AK5: variants seen among roughly 807,000 people sequenced by gnomAD.
The protein encoded by AK5 is adenylate kinase isoenzyme 5.
Under a neutral mutation model 69.5 loss-of-function variants are expected in AK5, and 27 were observed. That is an observed-to-expected ratio of 0.39 (90% CI 0.29 to 0.54). AK5 has a LOEUF of 0.54. Among genes scored for constraint, AK5 ranks in the 20% least tolerant of loss-of-function variants. AK5 has a pLI of 0.71. For missense variants in AK5, 531 were observed against 700.4 expected (o/e 0.76, Z 2.73); for synonymous variants, 260 against 244.4 (o/e 1.06, Z -0.60).
chr1:77,424,798 C>A (rs1651085894), intron 8 of AK5, among the ~76,000 whole-genome samples: 1 of 152,084 alleles, frequency 6.6e-6, no homozygotes, highest in South Asian at 2.1e-4. Context: ...GTAACATATG[C>A]ATAATGGGAA....
chr1:77,347,840 G>A (rs1260088095), intron 6 of AK5, among the ~76,000 whole-genome samples: 1 of 152,046 alleles, frequency 6.6e-6, no homozygotes, highest in Non-Finnish European at 1.5e-5. Flanking sequence ...CATAAGCAAC[G>A]CCCTGACTCA....
At chr1:77,356,068 G>C (rs761048800) in intron 6 of AK5, among the ~76,000 whole-genome samples, 22 of 152,106 alleles carry the variant, frequency 1.4e-4, no homozygotes, top group Non-Finnish European at 2.9e-4. Context: ...TTAAATTGCT[G>C]TAAACATGCT....
At position 77,367,351 on chromosome 1, in the gene AK5, C is replaced by G. The variant is rs976913142; in HGVS notation, c.891+26783C>G. Among the ~76,000 whole-genome samples, 5 of 150,198 alleles carry G rather than the reference C, an allele frequency of 3.3e-5. No homozygotes were observed. The East Asian group carries it at 9.9e-4, about 30-fold the overall frequency. On this transcript the variant is annotated intron_variant, in intron 6 of 13. Transcript: ENST00000354567. Reference sequence around the variant, plus strand: ...GATTTCTGGTTTTTGTTTTTTGAGACAGGATCTCACTCTGTCACCCAGGCT... The same window carrying G: ...GATTTCTGGTTTTTGTTTTTTGAGAGAGGATCTCACTCTGTCACCCAGGCT...
At chr1:77,365,436 T>G (rs768596810) in intron 6 of AK5, among the ~76,000 whole-genome samples, 2 of 152,232 alleles carry the variant, frequency 1.3e-5, no homozygotes, top group African/African-American at 2.4e-5. Flanking sequence ...TGTTTCATCT[T>G]GAAGGAAATA....
chr1:77,463,842 AT>A (rs1337755658), intron 8 of AK5, among the ~76,000 whole-genome samples: 2 of 152,182 alleles, frequency 1.3e-5, no homozygotes, highest in Admixed American at 1.3e-4. Context: ...AAGGATGCTC[AT>A]TGTCCAAGCT....
At chr1:77,429,328 T>C (rs1651436325) in intron 8 of AK5, among the ~76,000 whole-genome samples, 1 of 152,254 alleles carries the variant, frequency 6.6e-6, no homozygotes, top group Admixed American at 6.5e-5. Flanking sequence ...ATTGTGGTTT[T>C]GATTTTCATT....
At chr1:77,386,441 T>C (rs1648033859) in intron 6 of AK5, among the ~76,000 whole-genome samples, 1 of 152,106 alleles carries the variant, frequency 6.6e-6, no homozygotes, top group South Asian at 2.1e-4. Flanking sequence ...TGTGGAGGAC[T>C]GTGGGGTGAA....
intron 6 of AK5, among the ~76,000 whole-genome samples, chr1:77,398,866 A>G (rs1359890008): frequency 6.6e-6 from 1 of 152,186 alleles, no homozygotes. Context: ...ATTGAATTGC[A>G]TCCTGTAGGT....
At chr1:77,358,035 G>GAC (rs1662636387) in intron 6 of AK5, among the ~76,000 whole-genome samples, 2 of 151,574 alleles carry the variant, frequency 1.3e-5, no homozygotes, top group East Asian at 1.9e-4. Flanking sequence ...GAGAGAGAGA[G>GAC]AGAGACAGAG....
chr1:77,528,329 G>C (rs1476553631), intron 12 of AK5, among the ~76,000 whole-genome samples: 2 of 152,098 alleles, frequency 1.3e-5, no homozygotes, highest in Non-Finnish European at 2.9e-5. Flanking sequence ...TTCAAGCCTG[G>C]AGAGGTTTTA....
chr1:77,320,772 A>G (rs956612105), intron 5 of AK5, among the ~76,000 whole-genome samples: 3 of 152,146 alleles, frequency 2.0e-5, no homozygotes, highest in African/African-American at 7.2e-5. Context: ...TACCATGAAA[A>G]CACTACACAT....
chr1:77,380,686 T>C (rs1215923019), intron 6 of AK5, among the ~76,000 whole-genome samples: 1 of 152,226 alleles, frequency 6.6e-6, no homozygotes, highest in Admixed American at 6.5e-5. Flanking sequence ...TAGGCTAGTG[T>C]TGGGCACAGA....
chr1:77,546,252 C>A (rs1482627154), intron 13 of AK5, among the ~76,000 whole-genome samples: 2 of 152,106 alleles, frequency 1.3e-5, no homozygotes, highest in Non-Finnish European at 2.9e-5. Context: ...TGCCTTTGCC[C>A]ATGTTAGGGC....
chr1:77,400,877 A>G (rs1255393993), intron 6 of AK5, among the ~76,000 whole-genome samples: 1 of 149,256 alleles, frequency 6.7e-6, no homozygotes, highest in Admixed American at 6.8e-5. Flanking sequence ...TTGCATACCA[A>G]TCATGTCTGT....
At chr1:77,522,307 CA>C (rs935396450) in intron 12 of AK5, among the ~76,000 whole-genome samples, 6 of 152,076 alleles carry the variant, frequency 3.9e-5, no homozygotes, top group African/African-American at 1.4e-4. Context: ...GTGGGTCCAG[CA>C]AAAGACCCAG....
intron 2 of AK5, among the ~76,000 whole-genome samples, chr1:77,289,857 C>T (rs572140204): frequency 6.1e-5 from 6 of 98,530 alleles, no homozygotes; most frequent in African/African-American, 2.7e-4. Context: ...AGAGAGACTC[C>T]GTCTCAAAAA....
At chr1:77,288,342 G>C (rs1338204018) in intron 2 of AK5, among the ~76,000 whole-genome samples, 16 of 152,128 alleles carry the variant, frequency 1.1e-4, no homozygotes, top group Admixed American at 1.0e-3. Flanking sequence ...ACTAAATTCT[G>C]TTCTAGTGGC....
chr1:77,531,114 G>A (rs922527534), intron 12 of AK5, among the ~76,000 whole-genome samples: 1 of 152,082 alleles, frequency 6.6e-6, no homozygotes, highest in Non-Finnish European at 1.5e-5. Flanking sequence ...CAGCGTGTCC[G>A]GAGTTTGTTC....
At chr1:77,419,762 G>A (rs1158688547) in intron 8 of AK5, among the ~76,000 whole-genome samples, 1 of 152,118 alleles carries the variant, frequency 6.6e-6, no homozygotes, top group Non-Finnish European at 1.5e-5. Flanking sequence ...GAGAATGGAG[G>A]TGATGGAGCC....
Sources: gnomAD v4.1 joint callset for allele counts (sites outside exome capture counted in the v4.1 genomes callset) on GRCh38, gnomAD v4.1.1 for gene constraint, MANE v1.5 for transcripts, NCBI Gene and HGNC (gene_info 2026-07-23, HGNC 2026-07-21) for gene names.